STK3: variants seen among roughly 807,000 people sequenced by gnomAD.
STK3 encodes the protein serine/threonine-protein kinase 3.
In STK3, 41 loss-of-function variants were observed where a neutral mutation model predicts 58.0. That is an observed-to-expected ratio of 0.71 (90% CI 0.55 to 0.92). The LOEUF is 0.92. STK3 is among the 40% of genes least tolerant of loss of function. The probability of loss-of-function intolerance (pLI) is 0.00; values close to 1 mark genes in which losing one functional copy is unlikely to be tolerated. For synonymous variants in STK3, 170 were observed against 191.0 expected (o/e 0.89, Z 0.91); for missense variants, 479 against 602.7 (o/e 0.79, Z 2.15).
At chr8:98,729,844 T>C (rs1828045232) in intron 4 of STK3, among the ~76,000 whole-genome samples, 1 of 152,236 alleles carries the variant, frequency 6.6e-6, no homozygotes, top group Non-Finnish European at 1.5e-5. Context: ...ATTCAAATCC[T>C]GGCAGTCTGG....
At chr8:98,908,986 T>C (rs556329610) in intron 1 of STK3, among the ~76,000 whole-genome samples, 1 of 152,128 alleles carries the variant, frequency 6.6e-6, no homozygotes, top group South Asian at 2.1e-4. Flanking sequence ...TGAAACCCTG[T>C]CTCTACTAAA....
intron 1 of STK3, among the ~76,000 whole-genome samples, chr8:98,775,144 T>A (rs969383366): frequency 5.9e-5 from 9 of 152,170 alleles, no homozygotes; most frequent in Non-Finnish European, 8.8e-5. Context: ...TGTCTACTGT[T>A]TTCTCTTGAC....
At chr8:98,350,872 G>T in the STK3 span, among the ~76,000 whole-genome samples, 2 of 152,232 alleles carry the variant, frequency 1.3e-5, 1 homozygote, top group African/African-American at 4.8e-5. Flanking sequence ...ATTTGGGTGG[G>T]TACACAGCAC....
At chr8:98,829,321 T>C (rs1279620584), upstream of STK3, among the ~76,000 whole-genome samples, 3 of 152,178 alleles carry the variant, frequency 2.0e-5, no homozygotes, top group Non-Finnish European at 4.4e-5. Context: ...CTAACCTCAA[T>C]CCTCAACTGA....
At chr8:98,590,377 G>A (rs936675771) in intron 7 of STK3, among the ~76,000 whole-genome samples, 55 of 152,164 alleles carry the variant, frequency 3.6e-4, no homozygotes, top group African/African-American at 1.3e-3. Flanking sequence ...GAGGGCTTCC[G>A]AGGCGATCGG....
intron 9 of STK3, among the ~76,000 whole-genome samples, chr8:98,547,755 C>T (rs1005699583): frequency 3.9e-5 from 6 of 152,008 alleles, no homozygotes; most frequent in African/African-American, 1.4e-4. Context: ...AAAAAAGTTC[C>T]ATAACTCTAA....
intron 4 of STK3, among the ~76,000 whole-genome samples, chr8:98,715,324 C>A (rs985281094): frequency 2.0e-5 from 3 of 151,964 alleles, no homozygotes; most frequent in African/African-American, 7.3e-5. Context: ...GCAGAAGAAA[C>A]TACCATCAGA....
chr8:98,534,742 G>A (rs1322604236), intron 9 of STK3, among the ~76,000 whole-genome samples: 1 of 152,108 alleles, frequency 6.6e-6, no homozygotes, highest in East Asian at 1.9e-4. Flanking sequence ...TCTATATTCA[G>A]AATTGAAACT....
chr8:98,675,512 G>C (rs1823134739), intron 6 of STK3, among the ~76,000 whole-genome samples: 1 of 152,136 alleles, frequency 6.6e-6, no homozygotes, highest in South Asian at 2.1e-4. Flanking sequence ...AAGTAAGCAT[G>C]AAATTATCAT....
At chr8:98,826,082 G>T (rs1377553763), upstream of STK3, among the ~76,000 whole-genome samples, 1 of 152,164 alleles carries the variant, frequency 6.6e-6, no homozygotes, top group Non-Finnish European at 1.5e-5. Context: ...AGGGGGCGAG[G>T]CCGGAGCCGC....
At chr8:98,629,713 A>C (rs966340965) in intron 6 of STK3, among the ~76,000 whole-genome samples, 5 of 152,212 alleles carry the variant, frequency 3.3e-5, no homozygotes. Flanking sequence ...TAACATACAG[A>C]AACTGTTTTC....
intron 3 of STK3, among the ~76,000 whole-genome samples, chr8:98,857,769 T>A (rs551638423): frequency 6.6e-6 from 1 of 152,100 alleles, no homozygotes; most frequent in Non-Finnish European, 1.5e-5. Flanking sequence ...CTATAAGCAA[T>A]TAAACTAAAT....
chr8:98,493,067 A>G (rs1350605162), intron 10 of STK3, among the ~76,000 whole-genome samples: 1 of 139,312 alleles, frequency 7.2e-6, no homozygotes, highest in Non-Finnish European at 1.6e-5. Flanking sequence ...CCAACTCTAC[A>G]TTTTTTTTTT....
chr8:98,391,346 G>C (rs1455728072), upstream of STK3: 2 of 152,248 alleles, frequency 1.3e-5, no homozygotes, highest in African/African-American at 4.8e-5. Context: ...TCTGGGACCT[G>C]GGCAATGGTC....
intron 1 of STK3, among the ~76,000 whole-genome samples, chr8:98,781,761 C>T (rs1832103909): frequency 1.3e-5 from 2 of 151,854 alleles, no homozygotes; most frequent in South Asian, 2.1e-4. Flanking sequence ...CAAAATTCAA[C>T]ATTCACAAAT....
At chr8:98,348,566 A>G in the STK3 span, among the ~76,000 whole-genome samples, 3 of 152,252 alleles carry the variant, frequency 2.0e-5, no homozygotes, top group African/African-American at 7.2e-5. Context: ...TTTAAAACTG[A>G]ACATTAAGAA....
chr8:98,808,898 CA>C (rs1231454759), intron 1 of STK3, among the ~76,000 whole-genome samples: 5 of 152,132 alleles, frequency 3.3e-5, no homozygotes, highest in African/African-American at 1.2e-4. Context: ...ATTACATAGT[CA>C]GAACTTTCAG....
chr8:98,388,104 A>T (rs568547936), intron 1 of STK3: 1 of 152,286 alleles, frequency 6.6e-6, no homozygotes, highest in South Asian at 2.1e-4. Flanking sequence ...TAATAAAACA[A>T]ACTAATCAGT....
At chr8:98,941,421 G>T (rs1328266037) in intron 1 of STK3, among the ~76,000 whole-genome samples, 2 of 152,170 alleles carry the variant, frequency 1.3e-5, no homozygotes, top group Non-Finnish European at 2.9e-5. Context: ...AAATGCAAAA[G>T]GTCCCCGCCC....
Sources: allele counts gnomAD v4.1 joint callset (sites outside exome capture counted in the v4.1 genomes callset), GRCh38; gene constraint gnomAD v4.1.1; transcripts MANE v1.5; gene names NCBI Gene and HGNC (gene_info 2026-07-23, HGNC 2026-07-21).